ANXA4: variants seen among roughly 807,000 people sequenced by gnomAD.
The protein encoded by ANXA4 is 35-beta calcimedin.
ANXA4 carries 39 observed loss-of-function variants against 49.8 expected under a neutral mutation model. The observed-to-expected ratio is 0.78, with a 90% CI of 0.61 to 1.02. The LOEUF is 1.02. ANXA4 is among the 50% of genes least tolerant of loss of function. The pLI is 0.00. For synonymous variants in ANXA4, 134 were observed against 152.5 expected, an observed-to-expected ratio of 0.88 and a Z score of 0.89; for missense variants, 360 against 410.1, an observed-to-expected ratio of 0.88 and a Z score of 1.05.
chr2:69,718,840 GCA>G (rs753950828), intron 2 of ANXA4, among the ~76,000 whole-genome samples: 10 of 151,806 alleles, frequency 6.6e-5, no homozygotes, highest in Middle Eastern at 6.8e-3. Flanking sequence ...ACATATACAT[GCA>G]CACACATACA....
intron 12 of ANXA4, among the ~76,000 whole-genome samples, chr2:69,824,518 A>G (rs1674379996): frequency 6.6e-6 from 1 of 151,990 alleles, no homozygotes; most frequent in African/African-American, 2.4e-5. Context: ...AAAAAAAAAA[A>G]AAAGGTTTAA....
At chr2:69,718,760 CACAT>C (rs199543189) in intron 2 of ANXA4, among the ~76,000 whole-genome samples, 34 of 142,642 alleles carry the variant, frequency 2.4e-4, no homozygotes, top group East Asian at 9.7e-4. Flanking sequence ...TGCATACACA[CACAT>C]ACACACACAT....
chr2:69,680,588 A>G (rs192861406), intron 2 of ANXA4, among the ~76,000 whole-genome samples: 5 of 152,246 alleles, frequency 3.3e-5, no homozygotes, highest in South Asian at 2.1e-4. Flanking sequence ...TCCAGTTCTT[A>G]GGGGAAAGGC....
At chr2:69,802,045 G>T (rs1673221897) in intron 3 of ANXA4, among the ~76,000 whole-genome samples, 1 of 152,232 alleles carries the variant, frequency 6.6e-6, no homozygotes, top group African/African-American at 2.4e-5. Flanking sequence ...GAATTTGGCT[G>T]CCTAGTGTCC....
At chr2:69,813,517 C>T (rs1673800246) in intron 8 of ANXA4, among the ~76,000 whole-genome samples, 4 of 152,084 alleles carry the variant, frequency 2.6e-5, no homozygotes, top group Admixed American at 2.6e-4. Context: ...TCCCAAAGTG[C>T]TGGGATTACA....
At chr2:69,654,090 A>G (rs1030620748) in intron 2 of ANXA4, among the ~76,000 whole-genome samples, 3 of 152,014 alleles carry the variant, frequency 2.0e-5, no homozygotes, top group Non-Finnish European at 2.9e-5. Context: ...CTGTTTGTCT[A>G]TTATTGGTGT....
intron 1 of ANXA4, among the ~76,000 whole-genome samples, chr2:69,647,374 TTG>T (rs1465398097): frequency 3.4e-4 from 51 of 148,372 alleles, no homozygotes; most frequent in Non-Finnish European, 6.2e-4. Flanking sequence ...TATTGTTTTA[TTG>T]TTTTATTTTT....
At chr2:69,731,511 A>G (rs1420114543) in intron 3 of ANXA4, among the ~76,000 whole-genome samples, 1 of 152,188 alleles carries the variant, frequency 6.6e-6, no homozygotes, top group Admixed American at 6.5e-5. Flanking sequence ...ACATCCACCT[A>G]GAGTATTTGT....
chr2:69,745,535 T>G (rs1335560159), intron 1 of ANXA4, among the ~76,000 whole-genome samples: 2 of 152,118 alleles, frequency 1.3e-5, no homozygotes, highest in Middle Eastern at 3.2e-3. Context: ...ATTTTTTTTA[T>G]TTTTTTATTT....
intron 2 of ANXA4, among the ~76,000 whole-genome samples, chr2:69,656,009 A>C (rs568143881): frequency 6.6e-6 from 1 of 151,806 alleles, no homozygotes; most frequent in Non-Finnish European, 1.5e-5. Context: ...GGAACATCAC[A>C]CACTGGGGCC....
chr2:69,672,094 A>T (rs756938784), intron 2 of ANXA4, among the ~76,000 whole-genome samples: 7 of 152,228 alleles, frequency 4.6e-5, no homozygotes, highest in Admixed American at 1.3e-4. Context: ...AAACAAATAT[A>T]ATTGGAAGCA....
chr2:69,662,625 A>G (rs1295675611), intron 2 of ANXA4, among the ~76,000 whole-genome samples: 1 of 152,174 alleles, frequency 6.6e-6, no homozygotes, highest in African/African-American at 2.4e-5. Flanking sequence ...CAAACTCACC[A>G]GGATGGAGAA....
chr2:69,717,901 T>C (rs1669692195), intron 2 of ANXA4, among the ~76,000 whole-genome samples: 1 of 152,252 alleles, frequency 6.6e-6, no homozygotes, highest in East Asian at 1.9e-4. Context: ...CCCTCTAGAA[T>C]GTTTCAGCAG....
rs766517835 is a variant in ANXA4 at position 69,816,207 on chromosome 2, C to G, written c.628+13C>G. 6.2e-7 allele frequency: 1 copy of G among 1,610,832 alleles called. No individual in the cohort carries two copies. The highest frequency in any genetic ancestry group is 8.5e-7 in the Non-Finnish European group (1 of 1,177,140). On this transcript the variant is annotated intron_variant, in intron 9 of 12. Transcript: ENST00000394295. ...CACCTGTTGCATGGTAAGGCACTTACTTCATTTCCCAAAGAAAAGGAGTGA... is the reference window on the plus strand; with the variant it reads ...CACCTGTTGCATGGTAAGGCACTTAGTTCATTTCCCAAAGAAAAGGAGTGA...
intron 1 of ANXA4, among the ~76,000 whole-genome samples, chr2:69,646,973 T>C (rs75720881): frequency 6.6e-6 from 1 of 152,250 alleles, no homozygotes; most frequent in South Asian, 2.1e-4. Flanking sequence ...AGTGTCTTCA[T>C]GTCCTTTGCT....
At chr2:69,701,605 C>T (rs1437187745) in intron 2 of ANXA4, among the ~76,000 whole-genome samples, 8 of 152,168 alleles carry the variant, frequency 5.3e-5, no homozygotes, top group Admixed American at 5.2e-4. Flanking sequence ...AATTTGCAGA[C>T]AGATATGCTG....
intron 1 of ANXA4, among the ~76,000 whole-genome samples, chr2:69,778,756 C>T (rs1672069757): frequency 2.7e-5 from 3 of 109,612 alleles, no homozygotes; most frequent in South Asian, 2.8e-4. Context: ...GCCTGGGCAA[C>T]GAGAGTGAAA....
rs1318780354 is a variant in ANXA4 at position 69,671,294 on chromosome 2, C to A, written n.766+18012C>A. ...ATAAAATGACAGGCTAAAACTCAAT[C>A]AAAATATCTGCAACTCTAGTAACAG... On this transcript the variant is annotated intron_variant and non_coding_transcript_variant, in intron 2 of 3. Coordinates refer to the ANXA4 transcript ENST00000418066. Among the ~76,000 whole-genome samples the A allele has an allele frequency of 3.9e-5, 6 of 152,060 alleles. No individual in the cohort carries two copies. The East Asian group carries it at 1.2e-3, about 29-fold the overall frequency.
intron 2 of ANXA4, among the ~76,000 whole-genome samples, chr2:69,678,412 G>A (rs1253480946): frequency 1.2e-4 from 2 of 16,046 alleles, no homozygotes; most frequent in African/African-American, 2.4e-4. Flanking sequence ...TTTTTTTTTT[G>A]AGTCAGGGTC....
Sources: gnomAD v4.1 joint callset for allele counts (sites outside exome capture counted in the v4.1 genomes callset) on GRCh38, gnomAD v4.1.1 for gene constraint, MANE v1.5 for transcripts, NCBI Gene and HGNC (gene_info 2026-07-23, HGNC 2026-07-21) for gene names.